PRPF6: variants seen among roughly 807,000 people sequenced by gnomAD.
PRPF6 encodes the protein pre-mRNA-processing factor 6.
Under a neutral mutation model 118.3 loss-of-function variants are expected in PRPF6, and 42 were observed. That is an observed-to-expected ratio of 0.35 (90% CI 0.28 to 0.46). PRPF6 has a LOEUF of 0.46. Among genes scored for constraint, PRPF6 ranks in the 20% least tolerant of loss-of-function variants. The probability of loss-of-function intolerance (pLI) is 1.00; values close to 1 mark genes in which losing one functional copy is unlikely to be tolerated. For synonymous variants in PRPF6, 481 were observed against 485.1 expected (o/e 0.99, Z 0.11); for missense variants, 662 against 1,255.7 (o/e 0.53, Z 7.15).
chr20:63,984,026 C>T (rs2059082971), intron 2 of PRPF6, among the ~76,000 whole-genome samples: 1 of 152,110 alleles, frequency 6.6e-6, no homozygotes, highest in Non-Finnish European at 1.5e-5. Flanking sequence ...AGTGATTGCC[C>T]TCTAAACAGA....
chr20:63,981,721 GC>G (rs1279471776), intron 1 of PRPF6, among the ~76,000 whole-genome samples: 1 of 136,364 alleles, frequency 7.3e-6, no homozygotes, highest in Non-Finnish European at 1.5e-5. Context: ...TGACCACCGT[GC>G]GTTGCTGGAT....
chr20:63,985,074 A>C, intron 3 of PRPF6, 49 bp downstream of exon 3: 1 of 1,533,258 alleles, frequency 6.5e-7, no homozygotes, highest in Non-Finnish European at 9.0e-7. Context: ...TTTAAAAAAA[A>C]GTTTTGTGGC....
chr20:63,995,255 C>G lies in PRPF6; in HGVS notation c.616-72C>G. ...ATGTCAGGCCACTGGGGAAGTATTT[C>G]AGAGAGTAAATTTCTTGGGCATGCA... On this transcript the variant is annotated intron_variant, in intron 5 of 20. Transcript: ENST00000266079. The G allele has an allele frequency of 2.5e-6, 4 of 1,573,582 alleles. No homozygotes were observed. In the Admixed American group the frequency reaches 7.5e-5, roughly 29 times the overall value.
chr20:64,000,701 T>A (rs1167854295), intron 8 of PRPF6, among the ~76,000 whole-genome samples: 1 of 151,878 alleles, frequency 6.6e-6, no homozygotes, highest in Non-Finnish European at 1.5e-5. Flanking sequence ...CCTGAGTACC[T>A]GGGATTATAG....
chr20:64,006,434 A>G (rs1352991890), intron 9 of PRPF6, among the ~76,000 whole-genome samples: 2 of 151,250 alleles, frequency 1.3e-5, no homozygotes, highest in Non-Finnish European at 2.9e-5. Flanking sequence ...CTCTTGCCTC[A>G]GCCTCCCAAG....
At chr20:63,998,107 T>A (rs535636928) in intron 6 of PRPF6, among the ~76,000 whole-genome samples, 24 of 152,258 alleles carry the variant, frequency 1.6e-4, no homozygotes, top group East Asian at 3.9e-4. Context: ...TTATTTATTT[T>A]TTTTTGAGAC....
In PRPF6 at chr20:64,011,864, C is replaced by T. The variant is rs181242700; in HGVS notation, c.1524+361C>T. Reference sequence around the variant, plus strand: ...TACGAGAGGAGGACAGGAAGTCTCACGGCTTCTTTCTTTGCTAGTAGAAAT... The same window carrying T: ...TACGAGAGGAGGACAGGAAGTCTCATGGCTTCTTTCTTTGCTAGTAGAAAT... On this transcript the variant is annotated intron_variant, in intron 11 of 20. Coordinates refer to ENST00000266079, the MANE Select transcript of PRPF6 (RefSeq NM_012469.4). This position sits in a 1 kb window ranked among gnomAD's most constrained non-coding sequence, Gnocchi z 6.7. Among the ~76,000 whole-genome samples the T allele has an allele frequency of 1.1e-4, 7 of 65,516 alleles. No homozygotes were observed. Among genetic ancestry groups the T allele is most frequent in the African/African-American group, 3.3e-4 (4 of 12,072 alleles). 43.0% of individuals were successfully genotyped at this position (65,516 alleles called of 152,430 possible).
chr20:63,988,135 C>T (rs1375552963), intron 3 of PRPF6, among the ~76,000 whole-genome samples: 2 of 151,938 alleles, frequency 1.3e-5, no homozygotes, highest in East Asian at 3.9e-4. Context: ...GGCTGACCAA[C>T]ATAGTGAAAC....
chr20:63,998,963 G>A, intron 6 of PRPF6, 82 bp from the exon 7 acceptor site: 1 of 911,122 alleles, frequency 1.1e-6, no homozygotes, highest in Non-Finnish European at 1.8e-6. Flanking sequence ...CAGGGTTGTG[G>A]GAGGGGCACC....
chr20:63,990,407 G>A (rs1407878700), intron 3 of PRPF6, among the ~76,000 whole-genome samples: 4 of 151,852 alleles, frequency 2.6e-5, no homozygotes, highest in East Asian at 1.9e-4. Flanking sequence ...TTAGAAGCTC[G>A]TTATTAAATC....
Position 64,011,777 on chromosome 20 carries a change from AC to A in PRPF6, c.1524+276del, listed in dbSNP as rs879589827. Among the ~76,000 whole-genome samples the A allele has an allele frequency of 0.12, 16,981 of 147,612 alleles. 1,692 individuals are homozygous for A. Among genetic ancestry groups the A allele is most frequent in the African/African-American group, 0.16 (6,238 of 39,550 alleles). On this transcript the variant is annotated intron_variant, in intron 11 of 20. Transcript: ENST00000266079. The surrounding 1 kb of genome is among the most constrained non-coding windows in gnomAD (Gnocchi z 6.7). ...ATTTCTTTGCTAGTAGAAATGATAC[AC>A]CTACGAGAGGAGGACAGGAAGTCTC...
chr20:63,994,633 T>C (rs1267941898), intron 4 of PRPF6, among the ~76,000 whole-genome samples: 3 of 152,064 alleles, frequency 2.0e-5, no homozygotes, highest in Non-Finnish European at 4.4e-5. Flanking sequence ...TAGCCAGGCA[T>C]GGTGGCCCAC....
At position 64,029,556 on chromosome 20, in the gene PRPF6, G is replaced by T. The variant is rs529484808; in HGVS notation, c.2546+65G>T. On this transcript the variant is annotated intron_variant, in intron 19 of 20. Transcript: ENST00000266079. This position sits in a 1 kb window ranked among gnomAD's most constrained non-coding sequence, Gnocchi z 4.8. ...CTAATGGGCTCTTTTTCCAGAGTCT[G>T]TCTGCCTCTTCCTGGTCATTGTAAA... The T allele has an allele frequency of 3.3e-3, 4,440 of 1,358,180 alleles. 13 individuals carry two copies. The highest frequency in any genetic ancestry group is 4.3e-3 in the Non-Finnish European group (4,081 of 950,638). 84.1% of individuals were successfully genotyped at this position (1,358,180 alleles called of 1,614,324 possible).
chr20:64,007,441 C>T (rs1230914902), intron 9 of PRPF6, among the ~76,000 whole-genome samples: 1 of 142,498 alleles, frequency 7.0e-6, no homozygotes, highest in African/African-American at 2.7e-5. Flanking sequence ...CCCGCCTCCC[C>T]TCCCCTGCCC....
At chr20:63,982,924 A>G (rs951934063) in intron 1 of PRPF6, 123 bp from the exon 2 acceptor site, 19 of 1,184,458 alleles carry the variant, frequency 1.6e-5, no homozygotes, top group Non-Finnish European at 2.2e-5. Flanking sequence ...CATTGTCACC[A>G]GGATCTTTGG....
chr20:63,993,563 C>T (rs1229145959), intron 4 of PRPF6, 78 bp downstream of exon 4: 43 of 1,227,488 alleles, frequency 3.5e-5, no homozygotes, highest in African/African-American at 9.0e-5. Flanking sequence ...ACTGCTCTTA[C>T]GTGGAATTTA....
intron 9 of PRPF6, among the ~76,000 whole-genome samples, chr20:64,004,394 G>C (rs565322959): frequency 4.6e-5 from 7 of 152,338 alleles, no homozygotes; most frequent in Non-Finnish European, 8.8e-5. Context: ...TTCTTTTCCT[G>C]GGGTGAAGCC....
chr20:64,028,391 G>A lies in PRPF6; in HGVS notation c.2340-87G>A. 1 of 1,353,112 alleles carries A rather than the reference G, an allele frequency of 7.4e-7. No individual in the cohort carries two copies. The highest frequency in any genetic ancestry group is 1.1e-6 in the Non-Finnish European group (1 of 945,584). 83.8% of individuals were successfully genotyped at this position (1,353,112 alleles called of 1,614,324 possible). ...TTTTGCTGCTGTGACTGGGTGGAGA[G>A]CCCTTTCAGACAAGGCTTCCCAGAA... On this transcript the variant is annotated intron_variant, in intron 17 of 20. Coordinates refer to ENST00000266079, the MANE Select transcript of PRPF6 (RefSeq NM_012469.4). The surrounding 1 kb of genome is among the most constrained non-coding windows in gnomAD (Gnocchi z 6.5).
rs1279181904 is a variant in PRPF6, at chr20:64,029,341, G to A, written c.2432-36G>A. On this transcript the variant is annotated intron_variant, in intron 18 of 20. Coordinates refer to ENST00000266079, the MANE Select transcript of PRPF6 (RefSeq NM_012469.4). The surrounding 1 kb of genome is among the most constrained non-coding windows in gnomAD (Gnocchi z 4.8). ...GGCACCTTTCCGGAACCAGAGGCTGGAGTGCAAATCTTTGTTCTTTGTTTC... is the reference window on the plus strand; with the variant it reads ...GGCACCTTTCCGGAACCAGAGGCTGAAGTGCAAATCTTTGTTCTTTGTTTC... 2 of 1,589,214 alleles carry A rather than the reference G, an allele frequency of 1.3e-6. No homozygotes were observed. The highest frequency in any genetic ancestry group is 2.2e-5 in the East Asian group (1 of 44,766).
Sources: allele counts gnomAD v4.1 joint callset (sites outside exome capture counted in the v4.1 genomes callset), GRCh38; gene constraint gnomAD v4.1.1; non-coding constraint Gnocchi (gnomAD v3.1); transcripts MANE v1.5; gene names NCBI Gene and HGNC (gene_info 2026-07-23, HGNC 2026-07-21).